The following KSR2 variants were observed in gnomAD, a reference collection of about 807,000 sequenced individuals.
KSR2 encodes the protein kinase suppressor of ras 2.
In KSR2, 25 loss-of-function variants were observed where a neutral mutation model predicts 107.8. That is an observed-to-expected ratio of 0.23 (90% CI 0.17 to 0.32). The LOEUF is 0.32. Among genes scored for constraint, KSR2 ranks in the 10% least tolerant of loss-of-function variants. The probability of loss-of-function intolerance (pLI) is 1.00; values close to 1 mark genes in which losing one functional copy is unlikely to be tolerated. For missense variants in KSR2, 887 were observed against 1,268.9 expected, an observed-to-expected ratio of 0.70 and a Z score of 4.57; for synonymous variants, 480 against 507.0, an observed-to-expected ratio of 0.95 and a Z score of 0.71.
rs760580646 is a variant in KSR2 at position 117,476,518 on chromosome 12, T to G, written c.2528A>C (p.Asp843Ala). ...APEIIRQLSP[D>A]TEEDKLPFSK... ...GAAGGGGAGCTTATCCTCCTCTGTGTCGGGGGACAGCTGGCGGATGATCTC... is the reference window on the plus strand; with the variant it reads ...GAAGGGGAGCTTATCCTCCTCTGTGGCGGGGGACAGCTGGCGGATGATCTC... Residue 843 changes from aspartate to alanine, a missense_variant, in exon 17 of 20, where the codon GAC (aspartate) becomes GCC (alanine). Physicochemically the swap from Asp to Ala is moderately radical, Grantham distance 126. This residue lies in a region of KSR2 where 308 missense variants were observed against 506.2 expected (regional missense o/e 0.61). Coordinates refer to ENST00000339824, the MANE Select transcript of KSR2 (RefSeq NM_173598.6). 2.5e-6 allele frequency: 4 copies of G among 1,609,092 alleles called. No individual in the cohort carries two copies. Among genetic ancestry groups the G allele is most frequent in the Non-Finnish European group, 3.4e-6 (4 of 1,177,930 alleles).
At position 117,842,295 on chromosome 12, in the gene KSR2, G is replaced by A. The variant is rs1566044114; in HGVS notation, c.472+13133C>T. Among the ~76,000 whole-genome samples the A allele has an allele frequency of 6.6e-6, 1 of 152,232 alleles. No homozygotes were observed. On this transcript the variant is annotated intron_variant, in intron 3 of 19. Transcript: ENST00000339824. The surrounding 1 kb of genome is among the most constrained non-coding windows in gnomAD (Gnocchi z 4.2). ...GATGGAAGTGGGACTCTGAGAAGCT[G>A]GCAGTTGGGCTGAGTCCAAAATGAC... is the stretch of plus-strand genomic sequence containing the variant.
chr12:117,806,965 T>C (rs1645854958), intron 3 of KSR2, among the ~76,000 whole-genome samples: 1 of 152,138 alleles, frequency 6.6e-6, no homozygotes, highest in Admixed American at 6.5e-5. Flanking sequence ...CCTGTCCCCG[T>C]GCCCGTCCCC....
At chr12:117,690,918 C>T (rs368906387) in intron 4 of KSR2, among the ~76,000 whole-genome samples, 95 of 152,266 alleles carry the variant, frequency 6.2e-4, no homozygotes, top group African/African-American at 2.1e-3. Context: ...GTCTGTGGTC[C>T]TGCAGGTTCT....
At chr12:117,872,645 T>G (rs564442917) in intron 1 of KSR2, among the ~76,000 whole-genome samples, 1 of 152,270 alleles carries the variant, frequency 6.6e-6, no homozygotes, top group South Asian at 2.1e-4. Context: ...CCCAGGAATC[T>G]GTGAAAACAC....
At chr12:117,729,679 T>A (rs1226718231) in intron 4 of KSR2, among the ~76,000 whole-genome samples, 4 of 151,870 alleles carry the variant, frequency 2.6e-5, no homozygotes, top group South Asian at 2.1e-4. Context: ...CATGCATCCA[T>A]CCATCCACCC....
intron 4 of KSR2, chr12:117,677,155 A>AC (rs1461252963): frequency 1.3e-5 from 2 of 152,210 alleles, no homozygotes; most frequent in African/African-American, 4.8e-5. Flanking sequence ...TTCTCCCCAC[A>AC]CTGCGTTTTT....
chr12:117,530,648 G>C (rs552834258), intron 12 of KSR2, among the ~76,000 whole-genome samples: 2 of 152,236 alleles, frequency 1.3e-5, no homozygotes, highest in South Asian at 4.2e-4. Context: ...GGGTCCTTAG[G>C]AAACGGTCCA....
At chr12:117,751,737 T>A (rs1282430406) in intron 4 of KSR2, among the ~76,000 whole-genome samples, 1 of 152,160 alleles carries the variant, frequency 6.6e-6, no homozygotes, top group Non-Finnish European at 1.5e-5. Context: ...TGTACCAAAC[T>A]GCCACTTGGA....
chr12:117,895,441 T>C (rs1894481974), intron 1 of KSR2, among the ~76,000 whole-genome samples: 1 of 152,056 alleles, frequency 6.6e-6, no homozygotes, highest in African/African-American at 2.4e-5. Flanking sequence ...ATTAAAAATA[T>C]AATAATAATA....
chr12:117,720,123 A>G (rs1887148641), intron 4 of KSR2, among the ~76,000 whole-genome samples: 1 of 152,206 alleles, frequency 6.6e-6, no homozygotes, highest in South Asian at 2.1e-4. Flanking sequence ...TGCCTGGAGG[A>G]AGTGCAGAGT....
chr12:117,581,662 G>A (rs1449913278), intron 6 of KSR2, among the ~76,000 whole-genome samples: 1 of 152,102 alleles, frequency 6.6e-6, no homozygotes, highest in African/African-American at 2.4e-5. Flanking sequence ...GGAGTTAAAG[G>A]ACTTCTTATA....
intron 14 of KSR2, 116 bp downstream of exon 14, chr12:117,524,736 G>T: frequency 8.1e-7 from 1 of 1,230,792 alleles, no homozygotes; most frequent in Non-Finnish European, 1.1e-6. Context: ...ACTGTGCATG[G>T]TAGAACTAGA....
In KSR2 at chr12:117,697,556, CA is replaced by C. The variant is rs1484886786; in HGVS notation, c.987-29899del. Among the ~76,000 whole-genome samples the C allele has an allele frequency of 3.9e-5, 6 of 152,232 alleles. No individual in the cohort carries two copies. The East Asian group carries it at 1.2e-3, about 29-fold the overall frequency. ...AGGAGTTCAAGACCAGCCTGACCAA[CA>C]TGGTGAAACCCTATTCTACTGAAAA... On this transcript the variant is annotated intron_variant, in intron 4 of 19. Coordinates refer to ENST00000339824, the MANE Select transcript of KSR2 (RefSeq NM_173598.6).
chr12:117,674,788 T>C (rs991836424), intron 4 of KSR2, among the ~76,000 whole-genome samples: 1 of 152,230 alleles, frequency 6.6e-6, no homozygotes, highest in Non-Finnish European at 1.5e-5. Flanking sequence ...CATTGTATCA[T>C]GTCACTCCTC....
At chr12:117,654,381 T>C (rs553339366) in intron 5 of KSR2, among the ~76,000 whole-genome samples, 9 of 152,258 alleles carry the variant, frequency 5.9e-5, no homozygotes, top group Admixed American at 2.0e-4. Flanking sequence ...GATGGCCTCA[T>C]GGGGAGCTCC....
chr12:117,501,971 G>T (rs996968713), intron 14 of KSR2, among the ~76,000 whole-genome samples: 1 of 152,174 alleles, frequency 6.6e-6, no homozygotes, highest in African/African-American at 2.4e-5. Flanking sequence ...ATCCAAAATT[G>T]CTTTAGAATG....
At position 117,555,175 on chromosome 12, in the gene KSR2, G is replaced by T. The variant is rs754191443; in HGVS notation, c.1512C>A (p.Ile504=). 5.0e-6 allele frequency: 8 copies of T among 1,613,892 alleles called. No individual in the cohort carries two copies. The highest frequency in any genetic ancestry group is 8.5e-7 in the Non-Finnish European group (1 of 1,179,852). ...ISQTLPKTNK[I]NKDHIPVPYQ... is the part of the protein sequence containing the mutation. ...AGGGGAAGCCCAGCCTTACCTTGTT[G>T]ATTTTGTTGGTTTTGGGGAGCGTCT... Residue 504 remains isoleucine (I), a synonymous_variant, in exon 9 of 20, where the codon ATC becomes ATA. Transcript: ENST00000339824.
At chr12:117,884,733 T>G (rs752792283) in intron 1 of KSR2, among the ~76,000 whole-genome samples, 27 of 152,218 alleles carry the variant, frequency 1.8e-4, no homozygotes, top group South Asian at 1.2e-3. Context: ...GGCTGTGGCA[T>G]AGCGAGTGGA....
intron 5 of KSR2, among the ~76,000 whole-genome samples, chr12:117,650,693 T>C (rs564139964): frequency 6.6e-6 from 1 of 152,342 alleles, no homozygotes; most frequent in African/African-American, 2.4e-5. Context: ...AGTGACGCTA[T>C]ACATAATACC....
Sources: allele counts gnomAD v4.1 joint callset (sites outside exome capture counted in the v4.1 genomes callset), GRCh38; gene constraint gnomAD v4.1.1; regional missense constraint gnomAD v4.1.1; non-coding constraint Gnocchi (gnomAD v3.1); transcripts MANE v1.5; gene names NCBI Gene and HGNC (gene_info 2026-07-23, HGNC 2026-07-21).